EXOC8: variants seen among roughly 807,000 people sequenced by gnomAD.
EXOC8 encodes exocyst complex component 8.
EXOC8 carries 19 observed loss-of-function variants against 50.8 expected under a neutral mutation model. That is an observed-to-expected ratio of 0.37 (90% CI 0.26 to 0.55). EXOC8 has a LOEUF of 0.55. Among genes scored for constraint, EXOC8 ranks in the 20% least tolerant of loss-of-function variants. The probability of loss-of-function intolerance (pLI) is 0.80; values close to 1 mark genes in which losing one functional copy is unlikely to be tolerated. For synonymous variants in EXOC8, 384 were observed against 367.9 expected, an observed-to-expected ratio of 1.04 and a Z score of -0.50; for missense variants, 781 against 915.8, an observed-to-expected ratio of 0.85 and a Z score of 1.90.
In EXOC8 at chr1:231,336,658, A is replaced by G; in HGVS notation, c.1088T>C (p.Leu363Ser). The change falls in exon 1 of 1, where the codon TTG becomes TCG. Residue 363 changes from leucine to serine, a missense_variant. Around this residue, in one of 3 missense-constraint regions of EXOC8, gnomAD observed 700 missense variants for 804.1 expected, o/e 0.87. Coordinates refer to ENST00000366645, the MANE Select transcript of EXOC8 (RefSeq NM_175876.5). The surrounding 1 kb of genome is among the most constrained non-coding windows in gnomAD (Gnocchi z 5.4). ...AGGTTTATCTTCCAGGTAATGGTTCAATTTATCCAGCAGGTCAACCGCCCC... is the reference window on the plus strand; with the variant it reads ...AGGTTTATCTTCCAGGTAATGGTTCGATTTATCCAGCAGGTCAACCGCCCC... ...FEGAVDLLDK[L>S]NHYLEDKPSP... is the part of the protein sequence containing the mutation. 1 of 1,614,200 alleles carries G rather than the reference A, an allele frequency of 6.2e-7. No homozygotes were observed. Among genetic ancestry groups the G allele is most frequent in the Non-Finnish European group, 8.5e-7 (1 of 1,180,036 alleles).
chr1:231,332,800 AT>A lies in EXOC8; in HGVS notation c.*2767del, dbSNP rs747883803. 2.0e-5 allele frequency: 3 copies of A among 152,206 alleles called. No homozygotes were observed. The highest frequency in any genetic ancestry group is 1.3e-4 in the Admixed American group (2 of 15,282). The allele number at this position is 152,206 out of a possible 1,614,324, so 9.4% of individuals were successfully genotyped here. Reference sequence around the variant, plus strand: ...GCTTTATTTTTATGAAACATTTCAGATTCCCTCATATCACAGCACATCAATA... The same window carrying A: ...GCTTTATTTTTATGAAACATTTCAGATCCCTCATATCACAGCACATCAATA... On this transcript the variant is annotated 3_prime_UTR_variant, in exon 1 of 1. Transcript: ENST00000366645.
In EXOC8 at chr1:231,335,530, T is replaced by G. The variant is rs374184013; in HGVS notation, c.*38A>C. On this transcript the variant is annotated 3_prime_UTR_variant, in exon 1 of 1. Transcript: ENST00000366645. ...ATAAATATAAATAATATATAAGCTC[T>G]CTCTCTGCATATATACACATATAAA... 1.9e-4 allele frequency: 264 copies of G among 1,372,610 alleles called. No homozygotes were observed. The highest frequency in any genetic ancestry group is 2.4e-4 in the Non-Finnish European group (247 of 1,038,912). The allele number at this position is 1,372,610 out of a possible 1,614,324, so 85.0% of individuals were successfully genotyped here. A position where few individuals can be genotyped will look rare whatever the true frequency, so the allele number is the denominator to read the frequency against.
rs745827731 is a variant in EXOC8 at position 231,335,734 on chromosome 1, T to C, written c.2012A>G (p.Lys671Arg). The change falls in exon 1 of 1, where the codon AAA (lysine) becomes AGA (arginine). Residue 671 changes from lysine (K) to arginine (R), a missense_variant. Around this residue, in one of 3 missense-constraint regions of EXOC8, gnomAD observed 79 missense variants for 95.3 expected, o/e 0.83. Transcript: ENST00000366645. ...GGATGCATTCTGTCTGATAAAAGCTTTCTTCTCTGGATCCTGCTCACATCG... is the reference window on the plus strand; with the variant it reads ...GGATGCATTCTGTCTGATAAAAGCTCTCTTCTCTGGATCCTGCTCACATCG... ...SLRCEQDPEK[K>R]AFIRQNASFL... 2 of 1,614,232 alleles carry C rather than the reference T, an allele frequency of 1.2e-6. No individual in the cohort carries two copies. Among genetic ancestry groups the C allele is most frequent in the Non-Finnish European group, 8.5e-7 (1 of 1,180,036 alleles).
chr1:231,335,239 CAAAAAAA>C lies in EXOC8; in HGVS notation c.*322_*328del, dbSNP rs978134138. On this transcript the variant is annotated 3_prime_UTR_variant, in exon 1 of 1. Coordinates refer to ENST00000366645, the MANE Select transcript of EXOC8 (RefSeq NM_175876.5). ...TGTGCGACGGGGTGAGACCCTGTCTCAAAAAAAAAAAAGAAAAAAGAAAAGTTTTATC... is the reference window on the plus strand; with the variant it reads ...TGTGCGACGGGGTGAGACCCTGTCTCAAAAAGAAAAAAGAAAAGTTTTATC... 1.0e-5 allele frequency: 1 copy of C among 98,286 alleles called. No homozygotes were observed. Among genetic ancestry groups the C allele is most frequent in the South Asian group, 2.9e-4 (1 of 3,458 alleles). 6.1% of individuals were successfully genotyped at this position (98,286 alleles called of 1,614,324 possible).
chr1:231,335,526 GCTCT>G lies in EXOC8; in HGVS notation c.*38_*41del, dbSNP rs201213618. The G allele has an allele frequency of 0.029, 42,352 of 1,442,620 alleles. 801 individuals are homozygous for G. Among genetic ancestry groups the G allele is most frequent in the South Asian group, 0.061 (3,542 of 57,726 alleles). 89.4% of individuals were successfully genotyped at this position (1,442,620 alleles called of 1,614,324 possible). A position where few individuals can be genotyped will look rare whatever the true frequency, so the allele number is the denominator to read the frequency against. On this transcript the variant is annotated 3_prime_UTR_variant, in exon 1 of 1. Coordinates refer to ENST00000366645, the MANE Select transcript of EXOC8 (RefSeq NM_175876.5). ...TAATATAAATATAAATAATATATAA[GCTCT>G]CTCTCTGCATATATACACATATAAA...
chr1:231,335,441 TA>T lies in EXOC8; in HGVS notation c.*126del. 1.1e-6 allele frequency: 1 copy of T among 916,682 alleles called. No individual in the cohort carries two copies. Among genetic ancestry groups the T allele is most frequent in the Non-Finnish European group, 1.5e-6 (1 of 687,064 alleles). 56.8% of individuals were successfully genotyped at this position (916,682 alleles called of 1,614,324 possible). A position where few individuals can be genotyped will look rare whatever the true frequency, so the allele number is the denominator to read the frequency against. On this transcript the variant is annotated 3_prime_UTR_variant, in exon 1 of 1. Transcript: ENST00000366645. ...TTCCTCTTTTTGATTTTTGTATTTT[TA>T]AGAGGGCACTTTTAATTTTCAAGTT...
At position 231,332,807 on chromosome 1, in the gene EXOC8, C is replaced by T. The variant is rs1390059269; in HGVS notation, c.*2761G>A. 6.6e-6 allele frequency: 1 copy of T among 152,182 alleles called. No individual in the cohort carries two copies. The highest frequency in any genetic ancestry group is 2.4e-5 in the African/African-American group (1 of 41,442). The allele number at this position is 152,182 out of a possible 1,614,324, so 9.4% of individuals were successfully genotyped here. ...TTTTATGAAACATTTCAGATTCCCTCATATCACAGCACATCAATAAGCAGT... is the reference window on the plus strand; with the variant it reads ...TTTTATGAAACATTTCAGATTCCCTTATATCACAGCACATCAATAAGCAGT... On this transcript the variant is annotated 3_prime_UTR_variant, in exon 1 of 1. Coordinates refer to ENST00000366645, the MANE Select transcript of EXOC8 (RefSeq NM_175876.5).
In EXOC8 at chr1:231,335,759, G is replaced by A; in HGVS notation, c.1987C>T (p.Arg663Ter). ...TTCTTCTCTGGATCCTGCTCACATC[G>A]AAGACTATAATCCACATGCTGAACA... ...VAVQHVDYSL[R>*]CEQDPEKKAF... Residue 663 changes from arginine (R) to a stop codon, truncating the protein, a stop_gained, in exon 1 of 1, where the codon CGA becomes TGA. Coordinates refer to ENST00000366645, the MANE Select transcript of EXOC8 (RefSeq NM_175876.5). LOFTEE classifies it high-confidence loss of function. 1 of 1,614,124 alleles carries A rather than the reference G, an allele frequency of 6.2e-7. No homozygotes were observed. Among genetic ancestry groups the A allele is most frequent in the Non-Finnish European group, 8.5e-7 (1 of 1,180,022 alleles).
rs531188592 is a variant in EXOC8, at chr1:231,337,818, G to C, written c.-73C>G. ...GCCGCGGCTGTCTAGACCCACCCAAGGCCAACCGAGCTCCTGGGCTGAGGA... is the reference window on the plus strand; with the variant it reads ...GCCGCGGCTGTCTAGACCCACCCAACGCCAACCGAGCTCCTGGGCTGAGGA... On this transcript the variant is annotated 5_prime_UTR_variant, in exon 1 of 1. Coordinates refer to ENST00000366645, the MANE Select transcript of EXOC8 (RefSeq NM_175876.5). The surrounding 1 kb of genome is among the most constrained non-coding windows in gnomAD (Gnocchi z 5.9). The C allele has an allele frequency of 3.3e-6, 5 of 1,509,032 alleles. No individual in the cohort carries two copies. The highest frequency in any genetic ancestry group is 2.7e-5 in the South Asian group (2 of 75,086). 93.5% of individuals were successfully genotyped at this position (1,509,032 alleles called of 1,614,324 possible).
rs576748244 is a variant in EXOC8, at chr1:231,333,686, C to T, written c.*1882G>A. 2.6e-5 allele frequency: 4 copies of T among 152,602 alleles called. No homozygotes were observed. The South Asian group carries it at 8.3e-4, about 32-fold the overall frequency. The allele number at this position is 152,602 out of a possible 1,614,324, so 9.5% of individuals were successfully genotyped here. A position where few individuals can be genotyped will look rare whatever the true frequency, so the allele number is the denominator to read the frequency against. Reference sequence around the variant, plus strand: ...CAGCTAAGATATCCAGTTATGGTTACAACTTTCGAAAATCCTAAAGTTATG... The same window carrying T: ...CAGCTAAGATATCCAGTTATGGTTATAACTTTCGAAAATCCTAAAGTTATG... On this transcript the variant is annotated 3_prime_UTR_variant, in exon 1 of 1. Coordinates refer to ENST00000366645, the MANE Select transcript of EXOC8 (RefSeq NM_175876.5).
At position 231,335,583 on chromosome 1, in the gene EXOC8, T is replaced by C. The variant is rs2102854422; in HGVS notation, c.2163A>G (p.Thr721=). ...GACCCAAGCATTAGACCACTGATGTTGTACTTTCAGGATTCACACGAATAA... is the reference window on the plus strand; with the variant it reads ...GACCCAAGCATTAGACCACTGATGTCGTACTTTCAGGATTCACACGAATAA... ...SRLIRVNPES[T]TSVV Residue 721 remains threonine (T), a synonymous_variant, in exon 1 of 1, where the codon ACA becomes ACG. Transcript: ENST00000366645. The C allele has an allele frequency of 3.1e-6, 5 of 1,609,890 alleles. No homozygotes were observed. The highest frequency in any genetic ancestry group is 3.4e-6 in the Non-Finnish European group (4 of 1,177,976).
In EXOC8 at chr1:231,337,159, T is replaced by C. The variant is rs763395857; in HGVS notation, c.587A>G (p.His196Arg). The change falls in exon 1 of 1, where the codon CAC becomes CGC. Residue 196 changes from histidine to arginine, a missense_variant. By Grantham distance (29) the His-to-Arg change is conservative. This residue lies in a region of EXOC8 where 700 missense variants were observed against 804.1 expected (regional missense o/e 0.87). Coordinates refer to ENST00000366645, the MANE Select transcript of EXOC8 (RefSeq NM_175876.5). The surrounding 1 kb of genome is among the most constrained non-coding windows in gnomAD (Gnocchi z 5.9). ...GTGCACCCGCTGCAGTTGGGCCATGTGGTCCGCATCGTATTCCACTAGGTC... is the reference window on the plus strand; with the variant it reads ...GTGCACCCGCTGCAGTTGGGCCATGCGGTCCGCATCGTATTCCACTAGGTC... Reference protein sequence around the residue: ...NGDLVEYDADHMAQLQRVHGF... With the variant: ...NGDLVEYDADRMAQLQRVHGF... 1.9e-6 allele frequency: 3 copies of C among 1,614,172 alleles called. No individual in the cohort carries two copies. In the Admixed American group the frequency reaches 5.0e-5, roughly 27 times the overall value.
At position 231,337,267 on chromosome 1, in the gene EXOC8, C is replaced by T; in HGVS notation, c.479G>A (p.Arg160His). 2 of 1,609,100 alleles carry T rather than the reference C, an allele frequency of 1.2e-6. No homozygotes were observed. Among genetic ancestry groups the T allele is most frequent in the Non-Finnish European group, 1.7e-6 (2 of 1,179,982 alleles). ...GSGPGEEGKQ[R>H]TLTTLLEKVE... Reference sequence around the variant, plus strand: ...CTTCTCAAGCAGGGTGGTGAGAGTGCGCTGCTTTCCTTCCTCGCCTGGACC... The same window carrying T: ...CTTCTCAAGCAGGGTGGTGAGAGTGTGCTGCTTTCCTTCCTCGCCTGGACC... The change falls in exon 1 of 1, where the codon CGC becomes CAC. Residue 160 changes from arginine (R) to histidine (H), a missense_variant. Arg to His is a conservative substitution (Grantham distance 29). Coordinates refer to ENST00000366645, the MANE Select transcript of EXOC8 (RefSeq NM_175876.5). The surrounding 1 kb of genome is among the most constrained non-coding windows in gnomAD (Gnocchi z 5.9).
rs978134138 is a variant in EXOC8, at chr1:231,335,239, C to CAA, written c.*327_*328dup. On this transcript the variant is annotated 3_prime_UTR_variant, in exon 1 of 1. Coordinates refer to ENST00000366645, the MANE Select transcript of EXOC8 (RefSeq NM_175876.5). ...TGTGCGACGGGGTGAGACCCTGTCT[C>CAA]AAAAAAAAAAAAGAAAAAAGAAAAG... 9 of 98,708 alleles carry CAA rather than the reference C, an allele frequency of 9.1e-5. No homozygotes were observed. The highest frequency in any genetic ancestry group is 2.8e-4 in the South Asian group (1 of 3,522). The allele number at this position is 98,708 out of a possible 1,614,324, so 6.1% of individuals were successfully genotyped here.
In EXOC8 at chr1:231,334,087, TTTAG is replaced by T. The variant is rs1032734335; in HGVS notation, c.*1477_*1480del. Reference sequence around the variant, plus strand: ...AGAAACCTTGGGAAGCTCACATTTCTTTAGTTATTTTGTTTTACTAAACAATTTG... The same window carrying T: ...AGAAACCTTGGGAAGCTCACATTTCTTTATTTTGTTTTACTAAACAATTTG... On this transcript the variant is annotated 3_prime_UTR_variant, in exon 1 of 1. Transcript: ENST00000366645. The T allele has an allele frequency of 8.2e-4, 125 of 152,354 alleles. No homozygotes were observed. The highest frequency in any genetic ancestry group is 2.9e-3 in the African/African-American group (121 of 41,592). The allele number at this position is 152,354 out of a possible 1,614,324, so 9.4% of individuals were successfully genotyped here.
In EXOC8 at chr1:231,337,812, A is replaced by C. The variant is rs1311483255; in HGVS notation, c.-67T>G. 3.3e-6 allele frequency: 5 copies of C among 1,514,608 alleles called. No homozygotes were observed. The African/African-American group carries it at 7.0e-5, about 21-fold the overall frequency. 93.8% of individuals were successfully genotyped at this position (1,514,608 alleles called of 1,614,324 possible). A position where few individuals can be genotyped will look rare whatever the true frequency, so the allele number is the denominator to read the frequency against. On this transcript the variant is annotated 5_prime_UTR_variant, in exon 1 of 1. Coordinates refer to ENST00000366645, the MANE Select transcript of EXOC8 (RefSeq NM_175876.5). The surrounding 1 kb of genome is among the most constrained non-coding windows in gnomAD (Gnocchi z 5.9). ...GCAGCCGCCGCGGCTGTCTAGACCC[A>C]CCCAAGGCCAACCGAGCTCCTGGGC...
At position 231,336,651 on chromosome 1, in the gene EXOC8, A is replaced by G; in HGVS notation, c.1095T>C (p.His365=). 2 of 1,614,126 alleles carry G rather than the reference A, an allele frequency of 1.2e-6. No individual in the cohort carries two copies. Among genetic ancestry groups the G allele is most frequent in the Non-Finnish European group, 1.7e-6 (2 of 1,180,030 alleles). Residue 365 remains histidine, a synonymous_variant, in exon 1 of 1, where the codon CAT becomes CAC. Transcript: ENST00000366645. This position sits in a 1 kb window ranked among gnomAD's most constrained non-coding sequence, Gnocchi z 5.4. The stretch of plus-strand genomic sequence containing the variant: ...GTGGGCTAGGTTTATCTTCCAGGTA[A>G]TGGTTCAATTTATCCAGCAGGTCAA... The part of the protein sequence containing the change: ...GAVDLLDKLN[H]YLEDKPSPPP...
chr1:231,337,137 C>G lies in EXOC8; in HGVS notation c.609G>C (p.Val203=). 6.2e-7 allele frequency: 1 copy of G among 1,614,172 alleles called. No individual in the cohort carries two copies. Among genetic ancestry groups the G allele is most frequent in the East Asian group, 2.2e-5 (1 of 44,872 alleles). Reference sequence around the variant, plus strand: ...AGCAATCGTTCATGAGAAAGCCGTGCACCCGCTGCAGTTGGGCCATGTGGT... The same window carrying G: ...AGCAATCGTTCATGAGAAAGCCGTGGACCCGCTGCAGTTGGGCCATGTGGT... ...DADHMAQLQR[V]HGFLMNDCLL... Residue 203 remains valine (V), a synonymous_variant, in exon 1 of 1, where the codon GTG becomes GTC. Coordinates refer to ENST00000366645, the MANE Select transcript of EXOC8 (RefSeq NM_175876.5). This position sits in a 1 kb window ranked among gnomAD's most constrained non-coding sequence, Gnocchi z 5.9.
rs1686645856 is a variant in EXOC8, at chr1:231,335,510, T to C, written c.*58A>G. On this transcript the variant is annotated 3_prime_UTR_variant, in exon 1 of 1. Coordinates refer to ENST00000366645, the MANE Select transcript of EXOC8 (RefSeq NM_175876.5). ...GTATGCTAATACAACTTAATATAAA[T>C]ATAAATAATATATAAGCTCTCTCTC... 7.4e-7 allele frequency: 1 copy of C among 1,342,844 alleles called. No homozygotes were observed. The highest frequency in any genetic ancestry group is 9.7e-7 in the Non-Finnish European group (1 of 1,035,568). The allele number at this position is 1,342,844 out of a possible 1,614,324, so 83.2% of individuals were successfully genotyped here. A position where few individuals can be genotyped will look rare whatever the true frequency, so the allele number is the denominator to read the frequency against.
Sources: gnomAD v4.1 joint callset for allele counts on GRCh38, gnomAD v4.1.1 for gene constraint, gnomAD v4.1.1 regional missense constraint, Gnocchi (gnomAD v3.1) non-coding constraint, MANE v1.5 for transcripts, NCBI Gene and HGNC (gene_info 2026-07-23, HGNC 2026-07-21) for gene names.